Variants in TP53BP1 observed in about 807,000 individuals in gnomAD.
TP53BP1 encodes the protein TP53-binding protein 1.
In TP53BP1, 61 loss-of-function variants were observed where a neutral mutation model predicts 200.8. That is an observed-to-expected ratio of 0.30 (90% CI 0.25 to 0.38). TP53BP1 has a LOEUF of 0.38. TP53BP1 is among the 10% of genes least tolerant of loss of function. The probability of loss-of-function intolerance (pLI) is 1.00; values close to 1 mark genes in which losing one functional copy is unlikely to be tolerated. For missense variants in TP53BP1, 2,144 were observed against 2,371.9 expected (o/e 0.90, Z 2.00); for synonymous variants, 822 against 844.3 (o/e 0.97, Z 0.46).
chr15:43,445,908 C>CT (rs912912610), intron 14 of TP53BP1, among the ~76,000 whole-genome samples: 53 of 152,078 alleles, frequency 3.5e-4, no homozygotes, highest in African/African-American at 6.3e-4. Context: ...TCAGCTGATG[C>CT]TTTTTTTTAA....
Position 43,413,106 on chromosome 15 carries a change from C to T in TP53BP1, c.5305+13G>A, listed in dbSNP as rs1189567646. 1.9e-6 allele frequency: 3 copies of T among 1,613,760 alleles called. No individual in the cohort carries two copies. The highest frequency in any genetic ancestry group is 2.5e-6 in the Non-Finnish European group (3 of 1,179,852). ...CTATGTGTCAGAGCTCCCAGGGCTTCCTAAGGCCTTACCCTCCTCTTCTTC... is the reference window on the plus strand; with the variant it reads ...CTATGTGTCAGAGCTCCCAGGGCTTTCTAAGGCCTTACCCTCCTCTTCTTC... On this transcript the variant is annotated intron_variant, in intron 24 of 27. Coordinates refer to ENST00000382044, the MANE Select transcript of TP53BP1 (RefSeq NM_001141980.3).
At chr15:43,426,670 C>T (rs1270752342) in intron 18 of TP53BP1, among the ~76,000 whole-genome samples, 1 of 151,820 alleles carries the variant, frequency 6.6e-6, no homozygotes, top group Non-Finnish European at 1.5e-5. Flanking sequence ...CAACCTCCTA[C>T]ACGGCCAGCA....
rs1450792929 is a variant in TP53BP1 at position 43,404,571 on chromosome 15, TA to T, written c.*2811del. On this transcript the variant is annotated 3_prime_UTR_variant, in exon 28 of 28. Coordinates refer to ENST00000382044, the MANE Select transcript of TP53BP1 (RefSeq NM_001141980.3). ...TGGGCAGGTAGGAGCAACCCTTGGG[TA>T]ACTCAGTAGACTTTTTAAGGTGGCT... 1 of 1,612,912 alleles carries T rather than the reference TA, an allele frequency of 6.2e-7. No individual in the cohort carries two copies. The highest frequency in any genetic ancestry group is 1.1e-5 in the South Asian group (1 of 90,970).
chr15:43,439,719 A>T (rs192652835), intron 15 of TP53BP1, among the ~76,000 whole-genome samples: 1 of 152,298 alleles, frequency 6.6e-6, no homozygotes, highest in Admixed American at 6.5e-5. Context: ...ATTTCATCTC[A>T]TTCTAGGATC....
At chr15:43,470,784 C>A (rs1179514603) in intron 10 of TP53BP1, among the ~76,000 whole-genome samples, 1 of 152,142 alleles carries the variant, frequency 6.6e-6, no homozygotes, top group Non-Finnish European at 1.5e-5. Flanking sequence ...TCATTTGTAT[C>A]CCCTATCTTA....
rs1566915313 is a variant in TP53BP1, at chr15:43,413,350, GCA to G, written c.5090-18_5090-17del. 12 of 1,608,452 alleles carry G rather than the reference GCA, an allele frequency of 7.5e-6. No individual in the cohort carries two copies. Among genetic ancestry groups the G allele is most frequent in the Non-Finnish European group, 9.4e-6 (11 of 1,176,316 alleles). The stretch of plus-strand genomic sequence containing the variant: ...CCTACTGCACCTGGGAAGGACAGGG[GCA>G]CAGTTACTAGAGGGATACACACCAT... On this transcript the variant is annotated splice_polypyrimidine_tract_variant and intron_variant, in intron 23 of 27. Coordinates refer to ENST00000382044, the MANE Select transcript of TP53BP1 (RefSeq NM_001141980.3).
At chr15:43,462,780 G>C (rs1258776155) in intron 11 of TP53BP1, among the ~76,000 whole-genome samples, 1 of 152,170 alleles carries the variant, frequency 6.6e-6, no homozygotes, top group East Asian at 1.9e-4. Flanking sequence ...ATTCAGGCCA[G>C]GCGTGGTGGC....
At position 43,405,061 on chromosome 15, in the gene TP53BP1, C is replaced by A; in HGVS notation, c.*2322G>T. 2.2e-6 allele frequency: 2 copies of A among 906,382 alleles called. No homozygotes were observed. The highest frequency in any genetic ancestry group is 3.4e-6 in the Non-Finnish European group (2 of 591,444). The allele number at this position is 906,382 out of a possible 1,614,324, so 56.1% of individuals were successfully genotyped here. Reference sequence around the variant, plus strand: ...GTCTGCAAGCAGATTTTTTTCTAAGCTATTGTAGCAGAAGAGTCAAAAGAA... The same window carrying A: ...GTCTGCAAGCAGATTTTTTTCTAAGATATTGTAGCAGAAGAGTCAAAAGAA... On this transcript the variant is annotated 3_prime_UTR_variant, in exon 28 of 28. Transcript: ENST00000382044.
Position 43,403,516 on chromosome 15 carries a change from T to G in TP53BP1, c.*3867A>C. 1.7e-6 allele frequency: 1 copy of G among 581,738 alleles called. No individual in the cohort carries two copies. Among genetic ancestry groups the G allele is most frequent in the Non-Finnish European group, 3.1e-6 (1 of 323,702 alleles). The allele number at this position is 581,738 out of a possible 1,614,324, so 36.0% of individuals were successfully genotyped here. A position where few individuals can be genotyped will look rare whatever the true frequency, so the allele number is the denominator to read the frequency against. ...GGATGCATTTGTTTTACGCATTTTG[T>G]GCGTCTGAGGGGCTGGCAGGCCTTG... is the stretch of plus-strand genomic sequence containing the variant. On this transcript the variant is annotated 3_prime_UTR_variant, in exon 28 of 28. Transcript: ENST00000382044.
chr15:43,407,860 T>C, intron 27 of TP53BP1, 83 bp downstream of exon 27: 2 of 1,398,934 alleles, frequency 1.4e-6, no homozygotes, highest in Non-Finnish European at 1.9e-6. Context: ...CTATTAGGCC[T>C]GAGCCTTGGA....
rs936768229 is a variant in TP53BP1 at position 43,413,253 on chromosome 15, C to T, written c.5171G>A (p.Arg1724Lys). Residue 1724 changes from arginine (R) to lysine (K), a missense_variant, in exon 24 of 28, where the codon AGA (arginine) becomes AAA (lysine). Arg to Lys is a conservative substitution (Grantham distance 26). This residue lies in a region of TP53BP1 where 334 missense variants were observed against 453.4 expected (regional missense o/e 0.74). Coordinates refer to ENST00000382044, the MANE Select transcript of TP53BP1 (RefSeq NM_001141980.3). ...TGEPSALEEQ[R>K]GPLPLNKTLF... ...GGTCTTGTTGAGAGGCAAAGGCCCT[C>T]TCTGCTCTTCCAGGGCAGAGGGTTC... 8 of 1,614,222 alleles carry T rather than the reference C, an allele frequency of 5.0e-6. No homozygotes were observed. The highest frequency in any genetic ancestry group is 1.7e-5 in the Admixed American group (1 of 60,032).
Position 43,420,686 on chromosome 15 carries a change from A to T in TP53BP1, c.4300T>A (p.Leu1434Met), listed in dbSNP as rs1386582068. 6.2e-7 allele frequency: 1 copy of T among 1,614,190 alleles called. No homozygotes were observed. Among genetic ancestry groups the T allele is most frequent in the Non-Finnish European group, 8.5e-7 (1 of 1,180,024 alleles). Residue 1434 changes from leucine to methionine, a missense_variant, in exon 21 of 28, where the codon TTG becomes ATG. Coordinates refer to ENST00000382044, the MANE Select transcript of TP53BP1 (RefSeq NM_001141980.3). ...CTGAAGGATTTATCATCTGGTGACA[A>T]GTTAGGTGAAATGTCCTCTATGCCC... Reference protein sequence around the residue: ...PLGIEDISPNLSPDDKSFSRV... With the variant: ...PLGIEDISPNMSPDDKSFSRV...
chr15:43,493,074 G>C lies in TP53BP1; in HGVS notation c.-31C>G. The C allele has an allele frequency of 6.2e-7, 1 of 1,612,408 alleles. No individual in the cohort carries two copies. The highest frequency in any genetic ancestry group is 1.3e-5 in the African/African-American group (1 of 74,932). Reference sequence around the variant, plus strand: ...CGGGAGGTCCCTCGCGCTCGAGCTAGAGGTCTCTGCACGCTCCCCAAGTCC... The same window carrying C: ...CGGGAGGTCCCTCGCGCTCGAGCTACAGGTCTCTGCACGCTCCCCAAGTCC... On this transcript the variant is annotated 5_prime_UTR_variant, in exon 1 of 28. Coordinates refer to ENST00000382044, the MANE Select transcript of TP53BP1 (RefSeq NM_001141980.3).
In TP53BP1 at chr15:43,480,958, G is replaced by C. The variant is rs2140125328; in HGVS notation, c.436C>G (p.Gln146Glu). ...TCTTCTTCCTTCTCTTTCTCCTTCT[G>C]TTCCAACTCTTCTCCCTTCTCTTCC... ...VEEEKGEELE[Q>E]KEKEKEEDTS... Residue 146 changes from glutamine to glutamate, a missense_variant, in exon 5 of 28, where the codon CAG (glutamine) becomes GAG (glutamate). Gln to Glu is a conservative substitution (Grantham distance 29). Around this residue, in one of 4 missense-constraint regions of TP53BP1, gnomAD observed 1,700 missense variants for 1,710.3 expected, o/e 0.99. Coordinates refer to ENST00000382044, the MANE Select transcript of TP53BP1 (RefSeq NM_001141980.3). 6.2e-7 allele frequency: 1 copy of C among 1,613,988 alleles called. No homozygotes were observed. Among genetic ancestry groups the C allele is most frequent in the Middle Eastern group, 1.7e-4 (1 of 6,060 alleles).
intron 1 of TP53BP1, among the ~76,000 whole-genome samples, chr15:43,498,551 A>G (rs1406595255): frequency 1.3e-5 from 2 of 152,192 alleles, no homozygotes; most frequent in South Asian, 2.1e-4. Flanking sequence ...GAGAGAGAGA[A>G]AGAAGTGCTG....
At chr15:43,413,424 G>T in intron 23 of TP53BP1, 90 bp from the exon 24 acceptor site, 1 of 1,025,240 alleles carries the variant, frequency 9.8e-7, no homozygotes, top group Non-Finnish European at 1.4e-6. Context: ...CACCAAGCAT[G>T]ACCTGATGGG....
At chr15:43,471,301 T>C (rs1236648348) in intron 10 of TP53BP1, among the ~76,000 whole-genome samples, 3 of 152,006 alleles carry the variant, frequency 2.0e-5, no homozygotes, top group African/African-American at 4.8e-5. Flanking sequence ...AAAACTGAAA[T>C]ATATCCAAAT....
rs745854360 is a variant in TP53BP1, at chr15:43,457,124, G to C, written c.1484C>G (p.Ser495Cys). The part of the protein sequence containing the change: ...MHSSSLTVEC[S>C]KTSEIEPKNS... ...CTTTGGTTCAATCTCTGAAGTTTTA[G>C]AACACTCAACTGTCAAAGATGAACT... is the stretch of plus-strand genomic sequence containing the variant. Residue 495 changes from serine (S) to cysteine (C), a missense_variant, in exon 12 of 28, where the codon TCT (serine) becomes TGT (cysteine). By Grantham distance (112) the Ser-to-Cys change is moderately radical. Around this residue, in one of 4 missense-constraint regions of TP53BP1, gnomAD observed 1,700 missense variants for 1,710.3 expected, o/e 0.99. Coordinates refer to ENST00000382044, the MANE Select transcript of TP53BP1 (RefSeq NM_001141980.3). 2 of 1,614,080 alleles carry C rather than the reference G, an allele frequency of 1.2e-6. No individual in the cohort carries two copies. Among genetic ancestry groups the C allele is most frequent in the Middle Eastern group, 1.6e-4 (1 of 6,062 alleles).
At position 43,421,898 on chromosome 15, in the gene TP53BP1, C is replaced by T. The variant is rs774051944; in HGVS notation, c.4057G>A (p.Asp1353Asn). Residue 1353 changes from aspartate (D) to asparagine (N), a missense_variant, in exon 19 of 28, where the codon GAT (aspartate) becomes AAT (asparagine). By Grantham distance (23) the Asp-to-Asn change is conservative. This residue lies in a region of TP53BP1 where 1,700 missense variants were observed against 1,710.3 expected (regional missense o/e 0.99). Transcript: ENST00000382044. ...CCTCGGGAGCTGGGTAAGGCAAAAT[C>T]TGCGGGTTCTGTCCCGCTGGTTTTC... is the stretch of plus-strand genomic sequence containing the variant. ...RGKTSGTEPA[D>N]FALPSSRGGP... The T allele has an allele frequency of 3.1e-6, 5 of 1,614,248 alleles. No homozygotes were observed. In the South Asian group the frequency reaches 3.3e-5, roughly 11 times the overall value.
Sources: allele counts gnomAD v4.1 joint callset (sites outside exome capture counted in the v4.1 genomes callset), GRCh38; gene constraint gnomAD v4.1.1; regional missense constraint gnomAD v4.1.1; transcripts MANE v1.5; gene names NCBI Gene and HGNC (gene_info 2026-07-23, HGNC 2026-07-21).